STX2: variants seen among roughly 807,000 people sequenced by gnomAD.
STX2 encodes the protein syntaxin-2.
Under a neutral mutation model 40.6 loss-of-function variants are expected in STX2, and 27 were observed. That is an observed-to-expected ratio of 0.66 (90% confidence interval 0.49 to 0.92). The LOEUF (loss-of-function observed/expected upper bound fraction) is 0.92, where lower values mean the gene tolerates loss of function less well. Among genes scored for constraint, STX2 ranks in the 40% least tolerant of loss-of-function variants. The probability of loss-of-function intolerance (pLI) is 0.00; values close to 1 mark genes in which losing one functional copy is unlikely to be tolerated. For synonymous variants in STX2, 123 were observed against 119.1 expected (o/e 1.03, Z -0.22); for missense variants, 328 against 366.1 (o/e 0.90, Z 0.85).
intron 3 of STX2, among the ~76,000 whole-genome samples, chr12:130,813,661 C>A (rs10744483): frequency 0.56 from 84,944 of 151,772 alleles, 26,227 homozygotes; most frequent in East Asian, 0.87. Flanking sequence ...AGTGCTGAGA[C>A]CTAAGGCCAC....
At chr12:130,828,594 C>T (rs776798767) in intron 1 of STX2, among the ~76,000 whole-genome samples, 9 of 151,586 alleles carry the variant, frequency 5.9e-5, no homozygotes, top group South Asian at 2.1e-4. Context: ...GGGCCGGGCG[C>T]GGTGGCTCAC....
At chr12:130,809,874 T>C (rs1410955100) in intron 4 of STX2, among the ~76,000 whole-genome samples, 1 of 152,084 alleles carries the variant, frequency 6.6e-6, no homozygotes, top group Non-Finnish European at 1.5e-5. Flanking sequence ...ACCCAGTAAT[T>C]TGTAGCTGGA....
At chr12:130,805,894 C>A (rs1285361486) in intron 6 of STX2, among the ~76,000 whole-genome samples, 2 of 152,152 alleles carry the variant, frequency 1.3e-5, no homozygotes, top group African/African-American at 4.8e-5. Flanking sequence ...AGGAAATCAA[C>A]CAACCAGAGC....
intron 4 of STX2, among the ~76,000 whole-genome samples, chr12:130,811,611 C>T (rs1951659877): frequency 7.2e-6 from 1 of 138,616 alleles, no homozygotes; most frequent in Non-Finnish European, 1.5e-5. Flanking sequence ...GTGATCTCGG[C>T]TCACTGCAAG....
chr12:130,819,407 G>C (rs1238569301), intron 3 of STX2, among the ~76,000 whole-genome samples: 1 of 152,028 alleles, frequency 6.6e-6, no homozygotes, highest in East Asian at 1.9e-4. Flanking sequence ...CTGGGAGAGA[G>C]GAATCACTGC....
chr12:130,823,486 C>T (rs906144845), intron 2 of STX2, among the ~76,000 whole-genome samples: 5 of 152,182 alleles, frequency 3.3e-5, no homozygotes, highest in African/African-American at 1.2e-4. Flanking sequence ...GTGGGCCCAA[C>T]GTAACCACAG....
At chr12:130,838,632 C>G (rs1402734401) in intron 1 of STX2, among the ~76,000 whole-genome samples, 1 of 152,222 alleles carries the variant, frequency 6.6e-6, no homozygotes, top group Non-Finnish European at 1.5e-5. Flanking sequence ...GCCTGCTCCC[C>G]GGGGCTGACG....
chr12:130,838,335 G>A (rs1404384043), intron 1 of STX2, among the ~76,000 whole-genome samples: 1 of 152,174 alleles, frequency 6.6e-6, no homozygotes, highest in South Asian at 2.1e-4. Context: ...AGAATGCATC[G>A]AAATCCTTCC....
In STX2 at chr12:130,790,535, A is replaced by T. The variant is rs903916236; in HGVS notation, c.*1488T>A. 2.0e-5 allele frequency: 3 copies of T among 152,254 alleles called. No homozygotes were observed. Among genetic ancestry groups the T allele is most frequent in the African/African-American group, 7.2e-5 (3 of 41,472 alleles). 9.4% of individuals were successfully genotyped at this position (152,254 alleles called of 1,614,324 possible). A position where few individuals can be genotyped will look rare whatever the true frequency, so the allele number is the denominator to read the frequency against. On this transcript the variant is annotated 3_prime_UTR_variant, in exon 11 of 11. Coordinates refer to ENST00000392373, the MANE Select transcript of STX2 (RefSeq NM_194356.4). ...AATAAGTGATATTCTTCTACTAAAAAAATGAGCAATAAAAAGGTTTAATTA... is the reference window on the plus strand; with the variant it reads ...AATAAGTGATATTCTTCTACTAAAATAATGAGCAATAAAAAGGTTTAATTA...
At chr12:130,825,041 CTTT>C (rs1277477285) in intron 2 of STX2, among the ~76,000 whole-genome samples, 20 of 132,374 alleles carry the variant, frequency 1.5e-4, no homozygotes, top group Admixed American at 4.6e-4. Flanking sequence ...CTTTTCTGTT[CTTT>C]TTTTTTTTTT....
intron 3 of STX2, among the ~76,000 whole-genome samples, chr12:130,814,784 C>G (rs1397245609): frequency 6.6e-6 from 1 of 151,756 alleles, no homozygotes; most frequent in East Asian, 1.9e-4. Context: ...TTACAGGCCT[C>G]CGCCACCACA....
rs1952842971 is a variant in STX2 at position 130,839,240 on chromosome 12, A to T, written c.-141T>A. 1 of 689,744 alleles carries T rather than the reference A, an allele frequency of 1.4e-6. No individual in the cohort carries two copies. The highest frequency in any genetic ancestry group is 1.8e-6 in the Non-Finnish European group (1 of 551,656). The allele number at this position is 689,744 out of a possible 1,614,324, so 42.7% of individuals were successfully genotyped here. ...AGCCCTCCCTGGAGCCGGCGCTGCC[A>T]CGGCAACCGCGCCCCGCGCGCTCTG... On this transcript the variant is annotated 5_prime_UTR_variant, in exon 1 of 11. Coordinates refer to ENST00000392373, the MANE Select transcript of STX2 (RefSeq NM_194356.4).
intron 1 of STX2, among the ~76,000 whole-genome samples, chr12:130,831,866 AT>A (rs60003050): frequency 0.59 from 63,086 of 106,506 alleles, 17,269 homozygotes; most frequent in East Asian, 0.89. Flanking sequence ...CACTTCTGCA[AT>A]TTTTTTTTTT....
chr12:130,809,306 A>C (rs1951558680), intron 4 of STX2, among the ~76,000 whole-genome samples: 1 of 152,232 alleles, frequency 6.6e-6, no homozygotes, highest in Non-Finnish European at 1.5e-5. Flanking sequence ...TGGAAACATA[A>C]CCAACAAACT....
chr12:130,792,209 C>T (rs1205639803), intron 10 of STX2, among the ~76,000 whole-genome samples: 3 of 151,972 alleles, frequency 2.0e-5, no homozygotes, highest in Admixed American at 6.6e-5. Context: ...TACAGGAACC[C>T]GCCACCACGC....
intron 3 of STX2, among the ~76,000 whole-genome samples, chr12:130,813,753 G>A (rs543576876): frequency 1.3e-5 from 2 of 151,230 alleles, no homozygotes; most frequent in East Asian, 4.0e-4. Flanking sequence ...GCTCCATGCC[G>A]CACACTCACA....
intron 1 of STX2, among the ~76,000 whole-genome samples, chr12:130,833,410 C>CT (rs5801939): frequency 0.056 from 6,700 of 120,630 alleles, 224 homozygotes; most frequent in African/African-American, 0.067. Context: ...ATCACTCTAC[C>CT]TTTTTTTTTT....
At chr12:130,817,399 C>T (rs1230809710) in intron 3 of STX2, among the ~76,000 whole-genome samples, 3 of 151,452 alleles carry the variant, frequency 2.0e-5, no homozygotes, top group Non-Finnish European at 4.4e-5. Flanking sequence ...AAAACATTTT[C>T]AAAATAAAAT....
chr12:130,814,524 G>C (rs1457447709), intron 3 of STX2, among the ~76,000 whole-genome samples: 1 of 151,886 alleles, frequency 6.6e-6, no homozygotes, highest in African/African-American at 2.4e-5. Flanking sequence ...GCCTGGGCAG[G>C]AGTGTGCAGG....
Sources: allele counts gnomAD v4.1 joint callset (sites outside exome capture counted in the v4.1 genomes callset), GRCh38; gene constraint gnomAD v4.1.1; transcripts MANE v1.5; gene names NCBI Gene and HGNC (gene_info 2026-07-23, HGNC 2026-07-21).